The following RPS6KA2 variants were observed in gnomAD, a reference collection of about 807,000 sequenced individuals.
The protein encoded by RPS6KA2 is ribosomal protein S6 kinase alpha-2.
RPS6KA2 carries 42 observed loss-of-function variants against 91.8 expected under a neutral mutation model. That is an observed-to-expected ratio of 0.46 (90% CI 0.36 to 0.59). The LOEUF (loss-of-function observed/expected upper bound fraction) is 0.59. Ranked by LOEUF, RPS6KA2 falls within the 20% of genes least tolerant of loss-of-function variation. The pLI, the probability that RPS6KA2 is intolerant of heterozygous loss-of-function variation, is 0.00. For synonymous variants in RPS6KA2, 414 were observed against 393.6 expected (o/e 1.05, Z -0.61); for missense variants, 798 against 978.5 (o/e 0.82, Z 2.46).
At chr6:166,841,002 C>T (rs1245819357) in intron 2 of RPS6KA2, among the ~76,000 whole-genome samples, 1 of 151,722 alleles carries the variant, frequency 6.6e-6, no homozygotes, top group Non-Finnish European at 1.5e-5. Context: ...AAAGCTGAGG[C>T]TGGGTGTGGT....
chr6:166,751,162 C>G (rs1167914462), intron 2 of RPS6KA2, among the ~76,000 whole-genome samples: 4 of 152,208 alleles, frequency 2.6e-5, no homozygotes, highest in East Asian at 1.9e-4. Flanking sequence ...ATTACTTCCC[C>G]AAGTCAGCCG....
intron 14 of RPS6KA2, among the ~76,000 whole-genome samples, chr6:166,432,902 T>G (rs1381703273): frequency 6.7e-6 from 1 of 148,636 alleles, no homozygotes; most frequent in Non-Finnish European, 1.5e-5. Context: ...GGCTGAGGCA[T>G]GAGAATCACT....
intron 2 of RPS6KA2, among the ~76,000 whole-genome samples, chr6:166,848,876 C>G (rs998845369): frequency 1.3e-5 from 2 of 151,916 alleles, no homozygotes; most frequent in Non-Finnish European, 2.9e-5. Flanking sequence ...CAACCAAATA[C>G]CACCCGTTCC....
chr6:166,439,039 C>T (rs927449744), intron 14 of RPS6KA2, among the ~76,000 whole-genome samples: 2 of 152,056 alleles, frequency 1.3e-5, no homozygotes, highest in Admixed American at 6.5e-5. Context: ...TTATAAACCC[C>T]GATTTTAAAA....
At chr6:166,717,060 A>C (rs1390860327) in intron 2 of RPS6KA2, among the ~76,000 whole-genome samples, 1 of 152,164 alleles carries the variant, frequency 6.6e-6, no homozygotes, top group African/African-American at 2.4e-5. Context: ...GCTGGGACAC[A>C]TGTGGGAGGG....
intron 2 of RPS6KA2, among the ~76,000 whole-genome samples, chr6:166,748,399 C>T (rs552875503): frequency 6.6e-6 from 1 of 152,156 alleles, no homozygotes; most frequent in East Asian, 1.9e-4. Flanking sequence ...CACCGAGTGC[C>T]TCAGCGAAAT....
chr6:166,707,775 G>C (rs1789723433), intron 2 of RPS6KA2, among the ~76,000 whole-genome samples: 1 of 150,014 alleles, frequency 6.7e-6, no homozygotes, highest in Non-Finnish European at 1.5e-5. Flanking sequence ...GTCTTACTTT[G>C]TTGCCCAGGC....
intron 5 of RPS6KA2, among the ~76,000 whole-genome samples, chr6:166,507,584 C>T (rs1292638068): frequency 6.6e-6 from 1 of 150,872 alleles, no homozygotes; most frequent in Non-Finnish European, 1.5e-5. Flanking sequence ...CACATACACA[C>T]ACCCTGCATA....
chr6:166,840,983 GA>G (rs1012175379), intron 2 of RPS6KA2, among the ~76,000 whole-genome samples: 1 of 151,568 alleles, frequency 6.6e-6, no homozygotes, highest in Non-Finnish European at 1.5e-5. Flanking sequence ...AAAGAAAAAA[GA>G]AAAAAAGAAA....
chr6:166,702,240 G>T, intron 2 of RPS6KA2: 1 of 1,612,162 alleles, frequency 6.2e-7, no homozygotes, highest in South Asian at 1.1e-5. Context: ...AGGCACAGAG[G>T]CAAATCACAT....
chr6:166,862,124 T>TC lies in RPS6KA2; in HGVS notation c.46dup (p.Glu16GlyfsTer45), dbSNP rs1312086092. On this transcript the variant is annotated frameshift_variant, in exon 1 of 22. Transcript: ENST00000503859. LOFTEE classifies it high-confidence loss of function. ...TGCACTCACCTCTATTTCCATAGGC[T>TC]CCACCTCGATCTTTTTCCATAGTTC... 1.2e-6 allele frequency: 2 copies of TC among 1,614,258 alleles called. No homozygotes were observed. The highest frequency in any genetic ancestry group is 3.3e-5 in the Admixed American group (2 of 60,032).
chr6:166,612,101 CTTTTTCCTCTTA>C lies in RPS6KA2; in HGVS notation c.99+14808_99+14819del, dbSNP rs1216915059. 6.6e-6 allele frequency among the ~76,000 whole-genome samples: 1 copy of C among 152,172 alleles called. No homozygotes were observed. Among genetic ancestry groups the C allele is most frequent in the African/African-American group, 2.4e-5 (1 of 41,434 alleles). On this transcript the variant is annotated intron_variant, in intron 1 of 20. Coordinates refer to ENST00000265678, the MANE Select transcript of RPS6KA2 (RefSeq NM_021135.6). This position sits in a 1 kb window ranked among gnomAD's most constrained non-coding sequence, Gnocchi z 4.3. Reference sequence around the variant, plus strand: ...CACCCCTTTCCCAGGCCTGTTTGTTCTTTTTCCTCTTATTTTTCCTCCGTCGTCCAACATCAA... The same window carrying C: ...CACCCCTTTCCCAGGCCTGTTTGTTCTTTTTCCTCCGTCGTCCAACATCAA...
intron 19 of RPS6KA2, among the ~76,000 whole-genome samples, chr6:166,416,198 C>T: frequency 6.6e-6 from 1 of 152,184 alleles, no homozygotes; most frequent in South Asian, 2.1e-4. Flanking sequence ...CTTTCTCCAT[C>T]AACCCTACCA....
chr6:166,430,982 T>C (rs1303019625), intron 15 of RPS6KA2, among the ~76,000 whole-genome samples: 1 of 152,170 alleles, frequency 6.6e-6, no homozygotes, highest in Non-Finnish European at 1.5e-5. Flanking sequence ...TGAAGTGCAG[T>C]GGCGCCATCT....
At chr6:166,634,329 C>T (rs925091336) in intron 2 of RPS6KA2, among the ~76,000 whole-genome samples, 7 of 152,178 alleles carry the variant, frequency 4.6e-5, no homozygotes, top group East Asian at 3.9e-4. Flanking sequence ...CGCAGACCCA[C>T]GGGCTGAGGG....
chr6:166,827,488 T>C (rs1379272475), intron 2 of RPS6KA2, among the ~76,000 whole-genome samples: 1 of 152,222 alleles, frequency 6.6e-6, no homozygotes, highest in African/African-American at 2.4e-5. Context: ...CCTGAATATA[T>C]ACATAGTTTA....
At chr6:166,581,217 T>C (rs139207312) in intron 1 of RPS6KA2, among the ~76,000 whole-genome samples, 2 of 152,318 alleles carry the variant, frequency 1.3e-5, no homozygotes, top group East Asian at 3.9e-4. Context: ...ATATTGCACA[T>C]ACATATTGTC....
intron 2 of RPS6KA2, among the ~76,000 whole-genome samples, chr6:166,739,280 C>T (rs1416214717): frequency 2.0e-5 from 3 of 152,162 alleles, no homozygotes; most frequent in African/African-American, 7.2e-5. Flanking sequence ...TTTAAATCTG[C>T]ACAGTGCTAA....
intron 16 of RPS6KA2, among the ~76,000 whole-genome samples, chr6:166,424,137 G>A (rs928363861): frequency 1.3e-5 from 2 of 152,200 alleles, no homozygotes; most frequent in African/African-American, 4.8e-5. Context: ...TCCAGTGGGA[G>A]GATGTAGAAG....
Sources: allele counts gnomAD v4.1 joint callset (sites outside exome capture counted in the v4.1 genomes callset), GRCh38; gene constraint gnomAD v4.1.1; non-coding constraint Gnocchi (gnomAD v3.1); transcripts MANE v1.5; gene names NCBI Gene and HGNC (gene_info 2026-07-23, HGNC 2026-07-21).